ARFGAP3: variants seen among roughly 807,000 people sequenced by gnomAD.
The protein encoded by ARFGAP3 is ARF GTPase activating protein 3.
In ARFGAP3, 72 loss-of-function variants were observed where a neutral mutation model predicts 75.0. The observed-to-expected ratio is 0.96, with a 90% CI of 0.79 to 1.17. The LOEUF (loss-of-function observed/expected upper bound fraction) is 1.17. Ranked by LOEUF, ARFGAP3 falls within the 50% of genes most tolerant of loss-of-function variation. ARFGAP3 has a pLI of 0.00. For synonymous variants in ARFGAP3, 221 were observed against 217.9 expected (o/e 1.01, Z -0.13); for missense variants, 620 against 626.6 (o/e 0.99, Z 0.11).
chr22:42,846,509 A>G (rs1210041570), intron 2 of ARFGAP3, among the ~76,000 whole-genome samples: 2 of 152,240 alleles, frequency 1.3e-5, no homozygotes, highest in Non-Finnish European at 2.9e-5. Flanking sequence ...GGCTATTGCC[A>G]TAGAGTATCA....
chr22:42,831,217 G>A (rs984066733), intron 6 of ARFGAP3, among the ~76,000 whole-genome samples: 21 of 149,302 alleles, frequency 1.4e-4, no homozygotes, highest in African/African-American at 5.0e-4. Context: ...AACCCAGGAG[G>A]CGGAGGTTGC....
chr22:42,834,488 G>GTA, intron 4 of ARFGAP3, 163 bp from the exon 5 acceptor site: 1 of 886,030 alleles, frequency 1.1e-6, no homozygotes, highest in Non-Finnish European at 1.4e-6. Context: ...GTGCACTTTA[G>GTA]TAATCTATCA....
chr22:42,824,235 T>C (rs1925944153), intron 7 of ARFGAP3, among the ~76,000 whole-genome samples: 1 of 145,780 alleles, frequency 6.9e-6, no homozygotes. Context: ...AGACTGGTCT[T>C]GGACTCCTGG....
At position 42,797,340 on chromosome 22, in the gene ARFGAP3, C is replaced by A; in HGVS notation, c.*248G>T. 2 of 525,070 alleles carry A rather than the reference C, an allele frequency of 3.8e-6. No individual in the cohort carries two copies. Among genetic ancestry groups the A allele is most frequent in the Non-Finnish European group, 6.7e-6 (2 of 299,080 alleles). The allele number at this position is 525,070 out of a possible 1,614,324, so 32.5% of individuals were successfully genotyped here. ...AATCAAAGGTTCCAAGAAAATAAAG[C>A]AAGGATATACACAGAGACGCCAAAG... On this transcript the variant is annotated 3_prime_UTR_variant, in exon 16 of 16. Transcript: ENST00000263245.
At chr22:42,821,226 T>A (rs1000971730) in intron 9 of ARFGAP3, among the ~76,000 whole-genome samples, 3 of 152,220 alleles carry the variant, frequency 2.0e-5, no homozygotes, top group Non-Finnish European at 4.4e-5. Context: ...ACTTTTTTCA[T>A]TATGCAGATA....
At chr22:42,835,581 G>C in intron 3 of ARFGAP3, 88 bp from the exon 4 acceptor site, 1 of 1,484,598 alleles carries the variant, frequency 6.7e-7, no homozygotes, top group Non-Finnish European at 9.2e-7. Context: ...CAGCACTCTG[G>C]GAGGCCGAGG....
chr22:42,853,424 C>A, intron 1 of ARFGAP3: 1 of 220,582 alleles, frequency 4.5e-6, no homozygotes, highest in South Asian at 7.8e-5. Flanking sequence ...CCATTCTCCC[C>A]ACTGAGCTTG....
intron 6 of ARFGAP3, among the ~76,000 whole-genome samples, chr22:42,828,374 T>C (rs1366561013): frequency 2.0e-5 from 3 of 151,914 alleles, no homozygotes; most frequent in African/African-American, 4.8e-5. Context: ...CTGGCCAACA[T>C]GGTGAAACCC....
At chr22:42,845,526 A>AAC (rs1926976092) in intron 2 of ARFGAP3, among the ~76,000 whole-genome samples, 1 of 51,624 alleles carries the variant, frequency 1.9e-5, no homozygotes, top group Non-Finnish European at 5.1e-5. Context: ...ACTCCATCTC[A>AAC]AAAAAAAAAA....
intron 6 of ARFGAP3, among the ~76,000 whole-genome samples, chr22:42,828,743 G>T (rs1315820407): frequency 7.1e-6 from 1 of 140,960 alleles, no homozygotes; most frequent in Non-Finnish European, 1.5e-5. Context: ...GGAGTGTAGT[G>T]GTGCGAACTC....
At chr22:42,847,285 G>T (rs922972186) in intron 2 of ARFGAP3, 1 of 403,720 alleles carries the variant, frequency 2.5e-6, no homozygotes, top group South Asian at 2.9e-5. Flanking sequence ...TCCCACTTCA[G>T]CCTCCTGAGT....
At chr22:42,818,053 A>T (rs939070657) in intron 9 of ARFGAP3, 196 bp from the exon 10 acceptor site, 1 of 283,268 alleles carries the variant, frequency 3.5e-6, no homozygotes, top group Non-Finnish European at 5.3e-6. Flanking sequence ...GAATGAGCTT[A>T]CAGCCACTTT....
At position 42,797,713 on chromosome 22, in the gene ARFGAP3, G is replaced by T. The variant is rs9611907; in HGVS notation, c.1534-108C>A. On this transcript the variant is annotated intron_variant, in intron 15 of 15. Coordinates refer to ENST00000263245, the MANE Select transcript of ARFGAP3 (RefSeq NM_014570.5). ...AAATTGACACTGCAGCCCATGTCAGGCATGTGACATGGACGCTGCACCCCG... is the reference window on the plus strand; with the variant it reads ...AAATTGACACTGCAGCCCATGTCAGTCATGTGACATGGACGCTGCACCCCG... The T allele has an allele frequency of 6.8e-6, 11 of 1,609,644 alleles. No individual in the cohort carries two copies. The African/African-American group carries it at 1.1e-4, about 16-fold the overall frequency.
In ARFGAP3 at chr22:42,817,281, A is replaced by T; in HGVS notation, c.942-17T>A. 6.3e-7 allele frequency: 1 copy of T among 1,588,874 alleles called. No homozygotes were observed. The highest frequency in any genetic ancestry group is 8.6e-7 in the Non-Finnish European group (1 of 1,166,406). On this transcript the variant is annotated splice_polypyrimidine_tract_variant and intron_variant, in intron 10 of 15. Transcript: ENST00000263245. ...GAAATAACACTTGAGAAAACAGAAA[A>T]ATATATATATCAGTAAGTTCACAAA... is the stretch of plus-strand genomic sequence containing the variant.
rs1475097652 is a variant in ARFGAP3 at position 42,796,656 on chromosome 22, AAT to A, written c.*930_*931del. On this transcript the variant is annotated 3_prime_UTR_variant, in exon 16 of 16. Transcript: ENST00000263245. ...TCAAATATATTTTACTGTGCTGAAC[AAT>A]ATATTCTAATGCTGTCTAAAACACA... The A allele has an allele frequency of 6.6e-6, 1 of 152,194 alleles. No homozygotes were observed. Among genetic ancestry groups the A allele is most frequent in the Non-Finnish European group, 1.5e-5 (1 of 68,024 alleles). 9.4% of individuals were successfully genotyped at this position (152,194 alleles called of 1,614,324 possible). A position where few individuals can be genotyped will look rare whatever the true frequency, so the allele number is the denominator to read the frequency against.
At chr22:42,850,906 C>T (rs948689847) in intron 1 of ARFGAP3, among the ~76,000 whole-genome samples, 4 of 152,170 alleles carry the variant, frequency 2.6e-5, no homozygotes, top group African/African-American at 4.8e-5. Flanking sequence ...ACTAGCTGAA[C>T]GCTTATTGGT....
At chr22:42,804,701 G>A (rs796852343) in intron 14 of ARFGAP3, among the ~76,000 whole-genome samples, 27 of 151,924 alleles carry the variant, frequency 1.8e-4, no homozygotes, top group African/African-American at 6.5e-4. Flanking sequence ...TTTTTAGAAG[G>A]GATGGGGTTT....
At chr22:42,840,837 C>T (rs1044143532) in intron 3 of ARFGAP3, 107 bp downstream of exon 3, 3 of 1,187,618 alleles carry the variant, frequency 2.5e-6, no homozygotes, top group Admixed American at 2.4e-5. Context: ...TCCCAAATGG[C>T]TGAGATTACA....
intron 7 of ARFGAP3, among the ~76,000 whole-genome samples, chr22:42,826,623 C>T (rs1213079519): frequency 6.6e-6 from 1 of 152,004 alleles, no homozygotes; most frequent in Non-Finnish European, 1.5e-5. Flanking sequence ...TGGTCTCGAA[C>T]TCCTGGGCTC....
Sources: allele counts gnomAD v4.1 joint callset (sites outside exome capture counted in the v4.1 genomes callset), GRCh38; gene constraint gnomAD v4.1.1; transcripts MANE v1.5; gene names NCBI Gene and HGNC (gene_info 2026-07-23, HGNC 2026-07-21).